GUCY1A2: variants seen among roughly 807,000 people sequenced by gnomAD.
GUCY1A2 encodes guanylate cyclase 1 soluble subunit alpha 2.
In GUCY1A2, 27 loss-of-function variants were observed where a neutral mutation model predicts 63.5. The observed-to-expected ratio is 0.43, with a 90% CI of 0.31 to 0.59. GUCY1A2 has a LOEUF of 0.59. GUCY1A2 is among the 20% of genes least tolerant of loss of function. GUCY1A2 has a pLI of 0.11. For synonymous variants in GUCY1A2, 364 were observed against 343.5 expected (o/e 1.06, Z -0.66); for missense variants, 768 against 913.3 (o/e 0.84, Z 2.05).
intron 4 of GUCY1A2, among the ~76,000 whole-genome samples, chr11:106,917,171 C>T (rs1035757594): frequency 6.9e-6 from 1 of 145,436 alleles, no homozygotes; most frequent in African/African-American, 2.4e-5. Flanking sequence ...AGAGAAATGC[C>T]CCTCTGAGGA....
chr11:106,928,600 T>G (rs11211978), intron 4 of GUCY1A2, among the ~76,000 whole-genome samples: 6,185 of 152,012 alleles, frequency 0.041, 669 homozygotes, highest in East Asian at 0.3. Flanking sequence ...GAGAAATACA[T>G]CTCAGAAGCA....
intron 6 of GUCY1A2, among the ~76,000 whole-genome samples, chr11:106,739,530 G>A (rs1290143161): frequency 2.6e-5 from 4 of 152,188 alleles, no homozygotes; most frequent in Admixed American, 1.3e-4. Flanking sequence ...GGAATTGAAA[G>A]TCAGAGAGGG....
chr11:106,772,274 T>C (rs1864271368), intron 6 of GUCY1A2, among the ~76,000 whole-genome samples: 1 of 152,126 alleles, frequency 6.6e-6, no homozygotes, highest in Non-Finnish European at 1.5e-5. Context: ...TCAGTTTTAG[T>C]CAATTATTGC....
At chr11:106,952,178 T>TCCAGC (rs1198385790) in intron 3 of GUCY1A2, among the ~76,000 whole-genome samples, 4 of 152,228 alleles carry the variant, frequency 2.6e-5, no homozygotes, top group Non-Finnish European at 5.9e-5. Context: ...GCATGAGGTC[T>TCCAGC]CCAGCTTTGT....
chr11:106,695,918 G>A (rs895270583), intron 7 of GUCY1A2, among the ~76,000 whole-genome samples: 2 of 152,118 alleles, frequency 1.3e-5, no homozygotes, highest in African/African-American at 2.4e-5. Context: ...TTCTCCTAAA[G>A]GGATAGCCTT....
rs1862458797 is a variant in GUCY1A2 at position 106,683,109 on chromosome 11, C to T, written c.*4440G>A. 1 of 217,066 alleles carries T rather than the reference C, an allele frequency of 4.6e-6. No individual in the cohort carries two copies. Among genetic ancestry groups the T allele is most frequent in the African/African-American group, 2.3e-5 (1 of 44,414 alleles). 13.4% of individuals were successfully genotyped at this position (217,066 alleles called of 1,614,324 possible). On this transcript the variant is annotated 3_prime_UTR_variant, in exon 8 of 8. Transcript: ENST00000526355. Reference sequence around the variant, plus strand: ...GGTTGTGGTTTAGGAACATTCATATCAAGAGCTGCCCATAAATCGTTTAGA... The same window carrying T: ...GGTTGTGGTTTAGGAACATTCATATTAAGAGCTGCCCATAAATCGTTTAGA...
rs1466427726 is a variant in GUCY1A2, at chr11:106,676,777, C to A, written c.*10772G>T. ...TTTTTTTTTCTATTTCAGTCTTTAG[C>A]AGTGTGGTACTCACATAAAAAAAAA... On this transcript the variant is annotated 3_prime_UTR_variant, in exon 8 of 8. Transcript: ENST00000526355. The A allele has an allele frequency of 5.1e-6, 1 of 195,054 alleles. No homozygotes were observed. The highest frequency in any genetic ancestry group is 8.0e-5 in the East Asian group (1 of 12,560). 12.1% of individuals were successfully genotyped at this position (195,054 alleles called of 1,614,324 possible).
At chr11:106,955,873 T>G (rs955214831) in intron 3 of GUCY1A2, among the ~76,000 whole-genome samples, 1 of 152,154 alleles carries the variant, frequency 6.6e-6, no homozygotes, top group African/African-American at 2.4e-5. Flanking sequence ...TTCTCCTGGA[T>G]AATATTCTGA....
intron 4 of GUCY1A2, among the ~76,000 whole-genome samples, chr11:106,834,681 G>A (rs185690835): frequency 6.6e-6 from 1 of 152,122 alleles, no homozygotes; most frequent in Admixed American, 6.6e-5. Flanking sequence ...TAAAATAGGT[G>A]AGGAAAATCT....
chr11:106,725,971 AT>A (rs1230116697), intron 6 of GUCY1A2, among the ~76,000 whole-genome samples: 1 of 151,782 alleles, frequency 6.6e-6, no homozygotes, highest in Non-Finnish European at 1.5e-5. Flanking sequence ...GCAATACCCC[AT>A]TTTTCAGCTG....
chr11:106,793,244 A>G (rs1864694124), intron 5 of GUCY1A2, among the ~76,000 whole-genome samples: 1 of 152,196 alleles, frequency 6.6e-6, no homozygotes, highest in South Asian at 2.1e-4. Flanking sequence ...CACCAAGAAA[A>G]CACAATGGAG....
chr11:107,016,858 G>T (rs990699482), intron 1 of GUCY1A2, among the ~76,000 whole-genome samples: 1 of 151,920 alleles, frequency 6.6e-6, no homozygotes, highest in Admixed American at 6.6e-5. Context: ...ATCCATTGAG[G>T]AGAGAGTAAA....
At chr11:106,980,172 C>T (rs1434878721) in intron 2 of GUCY1A2, among the ~76,000 whole-genome samples, 3 of 152,160 alleles carry the variant, frequency 2.0e-5, no homozygotes, top group Non-Finnish European at 2.9e-5. Flanking sequence ...AAAGGCCCAC[C>T]GTTTGGCAGG....
intron 6 of GUCY1A2, among the ~76,000 whole-genome samples, chr11:106,746,285 T>C (rs1565276218): frequency 6.6e-6 from 1 of 152,206 alleles, no homozygotes; most frequent in Non-Finnish European, 1.5e-5. Context: ...TTCATTTTTC[T>C]TGGCCTGTTT....
chr11:106,923,755 G>A (rs1172736889), intron 4 of GUCY1A2, among the ~76,000 whole-genome samples: 1 of 151,944 alleles, frequency 6.6e-6, no homozygotes, highest in African/African-American at 2.4e-5. Context: ...TTCTGGATGA[G>A]GAGACAGAAC....
chr11:106,814,332 A>G (rs916131420), intron 4 of GUCY1A2, among the ~76,000 whole-genome samples: 3 of 152,120 alleles, frequency 2.0e-5, no homozygotes, highest in Non-Finnish European at 4.4e-5. Flanking sequence ...GGGTGCTTCA[A>G]TAATTAAAGG....
intron 5 of GUCY1A2, among the ~76,000 whole-genome samples, chr11:106,806,494 A>C (rs2135422107): frequency 6.6e-6 from 1 of 152,262 alleles, no homozygotes; most frequent in South Asian, 2.1e-4. Flanking sequence ...ATGTACATGA[A>C]TTTGCTTCAA....
chr11:107,000,536 A>G (rs184461598), intron 1 of GUCY1A2, among the ~76,000 whole-genome samples: 24 of 152,338 alleles, frequency 1.6e-4, no homozygotes, highest in Non-Finnish European at 3.2e-4. Context: ...AGATACAATA[A>G]GGGTAATTAT....
chr11:106,705,826 C>T (rs1022771780), intron 7 of GUCY1A2, among the ~76,000 whole-genome samples: 1 of 152,088 alleles, frequency 6.6e-6, no homozygotes, highest in Admixed American at 6.6e-5. Context: ...TGCCACTGCA[C>T]TCCATCCTGG....
Sources: gnomAD v4.1 joint callset for allele counts (sites outside exome capture counted in the v4.1 genomes callset) on GRCh38, gnomAD v4.1.1 for gene constraint, MANE v1.5 for transcripts, NCBI Gene and HGNC (gene_info 2026-07-23, HGNC 2026-07-21) for gene names.